The following SNX4 variants were observed in gnomAD, a reference collection of about 807,000 sequenced individuals.
SNX4 encodes the protein sorting nexin-4.
Under a neutral mutation model 70.8 loss-of-function variants are expected in SNX4, and 49 were observed. The ratio of observed to expected loss-of-function variants is 0.69; its 90% CI spans 0.55 to 0.88. The LOEUF is 0.88. Ranked by LOEUF, SNX4 falls within the 40% of genes least tolerant of loss-of-function variation. The pLI is 0.00. For missense variants in SNX4, 528 were observed against 544.8 expected (o/e 0.97, Z 0.31); for synonymous variants, 206 against 183.8 (o/e 1.12, Z -0.98).
At chr3:125,502,627 T>G (rs1279640095) in intron 2 of SNX4, among the ~76,000 whole-genome samples, 1 of 151,746 alleles carries the variant, frequency 6.6e-6, no homozygotes, top group Admixed American at 6.6e-5. Context: ...TCCCAGCACT[T>G]TGGGAGGCCG....
intron 1 of SNX4, among the ~76,000 whole-genome samples, chr3:125,511,939 A>C (rs568301728): frequency 6.6e-6 from 1 of 152,292 alleles, no homozygotes; most frequent in South Asian, 2.1e-4. Flanking sequence ...CTCTCCCAAA[A>C]CGTACAGGAA....
intron 5 of SNX4, among the ~76,000 whole-genome samples, chr3:125,495,685 A>G (rs1934778662): frequency 6.6e-6 from 1 of 152,202 alleles, no homozygotes; most frequent in Admixed American, 6.5e-5. Flanking sequence ...TTTTCTCAGA[A>G]TCACTAAAGT....
At chr3:125,480,820 A>G (rs1418053540) in intron 6 of SNX4, among the ~76,000 whole-genome samples, 1 of 151,928 alleles carries the variant, frequency 6.6e-6, no homozygotes, top group East Asian at 1.9e-4. Context: ...AACGACTCCC[A>G]CCTCTACCTC....
intron 6 of SNX4, among the ~76,000 whole-genome samples, chr3:125,484,842 G>C (rs548883291): frequency 6.6e-6 from 1 of 152,192 alleles, no homozygotes; most frequent in South Asian, 2.1e-4. Flanking sequence ...AGGCCGGGTG[G>C]ATCACCTGAA....
At chr3:125,503,051 C>G (rs975571829) in intron 2 of SNX4, among the ~76,000 whole-genome samples, 2 of 151,714 alleles carry the variant, frequency 1.3e-5, no homozygotes, top group African/African-American at 4.8e-5. Flanking sequence ...TCCCGAGTAG[C>G]TGGGACTACC....
chr3:125,451,322 T>C lies in SNX4; in HGVS notation c.1288A>G (p.Ile430Val). The change falls in exon 13 of 14, where the codon ATC (isoleucine) becomes GTC (valine). Residue 430 changes from isoleucine (I) to valine (V), a missense_variant. By Grantham distance (29) the Ile-to-Val change is conservative (BLOSUM62 3). Coordinates refer to ENST00000251775, the MANE Select transcript of SNX4 (RefSeq NM_003794.4). ...EALISYAVMQ[I>V]SMCKKGIQVW... ...AACCCTACCTTTTTGCACATACTGA[T>C]CTGCATGACTGCATAGCTTATGAGG... is the stretch of plus-strand genomic sequence containing the variant. The C allele has an allele frequency of 1.2e-6, 2 of 1,612,820 alleles. No homozygotes were observed. Among genetic ancestry groups the C allele is most frequent in the Non-Finnish European group, 1.7e-6 (2 of 1,179,008 alleles).
Position 125,447,832 on chromosome 3 carries a change from A to T in SNX4, c.1306-6T>A. On this transcript the variant is annotated splice_region_variant and splice_polypyrimidine_tract_variant and intron_variant, in intron 13 of 13. Coordinates refer to ENST00000251775, the MANE Select transcript of SNX4 (RefSeq NM_003794.4). ...TTGGTCCAAACTTGAATTCCCTAAA[A>T]ATAAAAATAAAAACTTTAAAATGTG... The T allele has an allele frequency of 1.3e-6, 2 of 1,565,286 alleles. No individual in the cohort carries two copies. Among genetic ancestry groups the T allele is most frequent in the South Asian group, 2.4e-5 (2 of 84,204 alleles).
chr3:125,472,832 G>C (rs996101269), intron 8 of SNX4, among the ~76,000 whole-genome samples: 1 of 151,796 alleles, frequency 6.6e-6, no homozygotes, highest in African/African-American at 2.4e-5. Flanking sequence ...CCTACTTCAC[G>C]GTGCCTTCTA....
chr3:125,457,972 A>AT (rs964793221), intron 10 of SNX4, among the ~76,000 whole-genome samples: 1 of 152,192 alleles, frequency 6.6e-6, no homozygotes, highest in African/African-American at 2.4e-5. Flanking sequence ...TACATAAAAC[A>AT]TTTTTTAATG....
chr3:125,511,766 A>T (rs1204457240), intron 1 of SNX4, among the ~76,000 whole-genome samples: 1 of 152,080 alleles, frequency 6.6e-6, no homozygotes, highest in East Asian at 1.9e-4. Context: ...TTATAATTGG[A>T]GTGTTTTATG....
intron 13 of SNX4, among the ~76,000 whole-genome samples, chr3:125,449,466 G>T (rs1256785751): frequency 1.3e-5 from 2 of 151,540 alleles, no homozygotes; most frequent in African/African-American, 4.8e-5. Context: ...TCACTATGTT[G>T]CCCAGCCTAG....
chr3:125,475,468 G>A (rs567969713), intron 8 of SNX4, among the ~76,000 whole-genome samples: 2 of 152,156 alleles, frequency 1.3e-5, no homozygotes, highest in Non-Finnish European at 2.9e-5. Context: ...GGGTTCAAGC[G>A]ATTTTCCTGA....
chr3:125,499,789 T>C (rs1376080542), intron 2 of SNX4, among the ~76,000 whole-genome samples: 1 of 145,120 alleles, frequency 6.9e-6, no homozygotes. Context: ...AAAAACGCGG[T>C]TGGATGCGGT....
chr3:125,470,396 A>G (rs1159345001), intron 8 of SNX4, among the ~76,000 whole-genome samples: 13 of 152,042 alleles, frequency 8.6e-5, no homozygotes, highest in Non-Finnish European at 1.9e-4. Context: ...AAGAATGTAT[A>G]ATAATCATCT....
chr3:125,486,641 G>A (rs944407110), intron 6 of SNX4, among the ~76,000 whole-genome samples: 5 of 152,038 alleles, frequency 3.3e-5, no homozygotes, highest in African/African-American at 9.7e-5. Flanking sequence ...AAGAGAGTAC[G>A]TTACTTATAT....
chr3:125,456,966 ATT>A (rs34007570), intron 11 of SNX4, among the ~76,000 whole-genome samples: 67 of 149,078 alleles, frequency 4.5e-4, no homozygotes, highest in African/African-American at 1.2e-3. Flanking sequence ...CAGCCCAATA[ATT>A]TTTTTTTTTT....
At chr3:125,498,291 T>A in intron 2 of SNX4, 97 bp from the exon 3 acceptor site, 1 of 1,136,034 alleles carries the variant, frequency 8.8e-7, no homozygotes, top group Non-Finnish European at 1.2e-6. Context: ...AGAATGATTA[T>A]GAACCAGGCA....
In SNX4 at chr3:125,451,347, G is replaced by C. The variant is rs1278366648; in HGVS notation, c.1263C>G (p.Ala421=). ...KEQKNRDLKE[A]LISYAVMQIS... is the part of the protein sequence containing the mutation. The stretch of plus-strand genomic sequence containing the variant: ...TCTGCATGACTGCATAGCTTATGAG[G>C]GCCTCCTTTAAGTCTCGGTTCTTTT... The change falls in exon 13 of 14, where the codon GCC becomes GCG. Residue 421 remains alanine (A), a synonymous_variant. Coordinates refer to ENST00000251775, the MANE Select transcript of SNX4 (RefSeq NM_003794.4). 3.1e-6 allele frequency: 5 copies of C among 1,613,738 alleles called. No individual in the cohort carries two copies. Among genetic ancestry groups the C allele is most frequent in the Non-Finnish European group, 3.4e-6 (4 of 1,179,848 alleles).
At chr3:125,476,370 G>C (rs564677694) in intron 8 of SNX4, among the ~76,000 whole-genome samples, 48 of 150,370 alleles carry the variant, frequency 3.2e-4, no homozygotes, top group Non-Finnish European at 6.0e-4. Flanking sequence ...TCAGGAGTTC[G>C]AGACCAGCCT....
Sources: gnomAD v4.1 joint callset for allele counts (sites outside exome capture counted in the v4.1 genomes callset) on GRCh38, gnomAD v4.1.1 for gene constraint, MANE v1.5 for transcripts, NCBI Gene and HGNC (gene_info 2026-07-23, HGNC 2026-07-21) for gene names.